PHYHIPL: variants seen among roughly 807,000 people sequenced by gnomAD.
PHYHIPL encodes the protein phytanoyl-CoA 2-hydroxylase interacting protein like, also known as phytanoyl-CoA hydroxylase-interacting protein-like.
PHYHIPL carries 9 observed loss-of-function variants against 33.4 expected under a neutral mutation model. The ratio of observed to expected loss-of-function variants is 0.27; its 90% CI spans 0.16 to 0.47. The LOEUF (loss-of-function observed/expected upper bound fraction) is 0.47. PHYHIPL is among the 20% of genes least tolerant of loss of function. PHYHIPL has a pLI of 0.99. For missense variants in PHYHIPL, 365 were observed against 460.7 expected (o/e 0.79, Z 1.90); for synonymous variants, 153 against 154.1 (o/e 0.99, Z 0.05).
chr10:59,245,877 A>G lies in PHYHIPL; in HGVS notation c.*286A>G, dbSNP rs1166238900. 4 of 353,680 alleles carry G rather than the reference A, an allele frequency of 1.1e-5. No individual in the cohort carries two copies. Among genetic ancestry groups the G allele is most frequent in the Non-Finnish European group, 2.1e-5 (4 of 193,710 alleles). The allele number at this position is 353,680 out of a possible 1,614,324, so 21.9% of individuals were successfully genotyped here. ...TTTTTATGTTTCCTTTATGCCAAAC[A>G]TAACAAAACAGTTATATAGACTGCT... On this transcript the variant is annotated 3_prime_UTR_variant, in exon 5 of 5. Coordinates refer to ENST00000373880, the MANE Select transcript of PHYHIPL (RefSeq NM_032439.4).
intron 4 of PHYHIPL, among the ~76,000 whole-genome samples, chr10:59,241,576 A>G (rs887114158): frequency 1.3e-5 from 2 of 152,164 alleles, no homozygotes; most frequent in African/African-American, 4.8e-5. Flanking sequence ...GTCAAATTGT[A>G]TATCCTCAAA....
chr10:59,193,834 C>T (rs1838841203), intron 1 of PHYHIPL, among the ~76,000 whole-genome samples: 1 of 151,856 alleles, frequency 6.6e-6, no homozygotes, highest in Non-Finnish European at 1.5e-5. Flanking sequence ...ACTTTTTTGG[C>T]TGTTATTTTT....
intron 1 of PHYHIPL, among the ~76,000 whole-genome samples, chr10:59,214,086 GA>G (rs1364668456): frequency 5.9e-5 from 9 of 151,824 alleles, no homozygotes; most frequent in Admixed American, 3.3e-4. Context: ...GCCATCTAGA[GA>G]AAAAAAATTT....
chr10:59,247,294 A>C lies in PHYHIPL; in HGVS notation c.*1703A>C, dbSNP rs1413901336. 1 of 247,680 alleles carries C rather than the reference A, an allele frequency of 4.0e-6. No homozygotes were observed. Among genetic ancestry groups the C allele is most frequent in the Non-Finnish European group, 7.6e-6 (1 of 131,504 alleles). The allele number at this position is 247,680 out of a possible 1,614,324, so 15.3% of individuals were successfully genotyped here. ...GGATACTAAATAAACTTTCCCTAAC[A>C]AGTGTCCTAGCTATGTTATTTAGAT... On this transcript the variant is annotated 3_prime_UTR_variant, in exon 5 of 5. Coordinates refer to ENST00000373880, the MANE Select transcript of PHYHIPL (RefSeq NM_032439.4).
intron 1 of PHYHIPL, among the ~76,000 whole-genome samples, chr10:59,227,975 G>GAGATATAT (rs10530291): frequency 6.9e-6 from 1 of 145,490 alleles, no homozygotes; most frequent in Non-Finnish European, 1.5e-5. Context: ...TGCCTATTGA[G>GAGATATAT]ATATATATAT....
Position 59,247,137 on chromosome 10 carries a change from C to T in PHYHIPL, c.*1546C>T, listed in dbSNP as rs1240399606. On this transcript the variant is annotated 3_prime_UTR_variant, in exon 5 of 5. Transcript: ENST00000373880. Reference sequence around the variant, plus strand: ...GTAAATGTTTTATCACTCAAAAATCCATTAGAAGTTTCAAATAAATTGCTT... The same window carrying T: ...GTAAATGTTTTATCACTCAAAAATCTATTAGAAGTTTCAAATAAATTGCTT... 1 of 157,190 alleles carries T rather than the reference C, an allele frequency of 6.4e-6. No individual in the cohort carries two copies. Among genetic ancestry groups the T allele is most frequent in the Non-Finnish European group, 1.4e-5 (1 of 71,580 alleles). 9.7% of individuals were successfully genotyped at this position (157,190 alleles called of 1,614,324 possible).
chr10:59,195,297 TAA>T (rs757674600), intron 1 of PHYHIPL, among the ~76,000 whole-genome samples: 1 of 152,212 alleles, frequency 6.6e-6, no homozygotes, highest in Non-Finnish European at 1.5e-5. Context: ...AACAAAAGAC[TAA>T]CAAGAGAAAA....
At chr10:59,224,408 T>C (rs1839860778) in intron 1 of PHYHIPL, among the ~76,000 whole-genome samples, 1 of 151,784 alleles carries the variant, frequency 6.6e-6, no homozygotes, top group Admixed American at 6.6e-5. Flanking sequence ...TGAGTCATGA[T>C]TGTGCCTCTG....
At chr10:59,178,996 C>T (rs1480806354) in intron 1 of PHYHIPL, among the ~76,000 whole-genome samples, 1 of 152,020 alleles carries the variant, frequency 6.6e-6, no homozygotes, top group Non-Finnish European at 1.5e-5. Flanking sequence ...TATACACCAA[C>T]AAATACAAAG....
At chr10:59,189,067 T>C (rs1838705819) in intron 1 of PHYHIPL, among the ~76,000 whole-genome samples, 1 of 152,154 alleles carries the variant, frequency 6.6e-6, no homozygotes, top group Admixed American at 6.6e-5. Context: ...ATTATATTGA[T>C]GCATATTACA....
intron 3 of PHYHIPL, 57 bp from the exon 4 acceptor site, chr10:59,238,531 A>G (rs1840295018): frequency 1.1e-6 from 1 of 937,930 alleles, no homozygotes; most frequent in Non-Finnish European, 1.7e-6. Context: ...TATTAAGTAT[A>G]TGGTTGGTAC....
At chr10:59,194,850 G>A (rs77697459) in intron 1 of PHYHIPL, among the ~76,000 whole-genome samples, 3,249 of 152,136 alleles carry the variant, frequency 0.021, 134 homozygotes, top group African/African-American at 0.074. Context: ...TAGCTAAATC[G>A]GATAATTTAT....
chr10:59,236,170 G>C (rs1189768018), intron 2 of PHYHIPL, among the ~76,000 whole-genome samples: 1 of 151,828 alleles, frequency 6.6e-6, no homozygotes, highest in African/African-American at 2.4e-5. Context: ...TCTTGATAAA[G>C]TTGGGCCTTA....
intron 1 of PHYHIPL, among the ~76,000 whole-genome samples, chr10:59,202,368 A>G (rs867955820): frequency 3.9e-5 from 6 of 152,220 alleles, no homozygotes; most frequent in Non-Finnish European, 4.4e-5. Flanking sequence ...AAAAATATAA[A>G]AAGTTATTCC....
chr10:59,176,610 C>T (rs1838256664), upstream of PHYHIPL: 2 of 347,624 alleles, frequency 5.8e-6, no homozygotes, highest in Admixed American at 4.9e-5. Flanking sequence ...GCGCGCGCCT[C>T]CCATCCTCGC....
At chr10:59,226,608 C>T (rs1333920548) in intron 1 of PHYHIPL, among the ~76,000 whole-genome samples, 1 of 151,868 alleles carries the variant, frequency 6.6e-6, no homozygotes, top group African/African-American at 2.4e-5. Context: ...GCAGAGGTGT[C>T]CTATAGGGAA....
rs141229811 is a variant in PHYHIPL at position 59,245,586 on chromosome 10, C to T, written c.1126C>T (p.Arg376Cys). Reference protein sequence around the residue: ...SCKTCNISVGR With the variant: ...SCKTCNISVGC ...CAAAACCTGTAATATCAGTGTTGGA[C>T]GTTAATGCCCACTTTTCTTATTCTT... The change falls in exon 5 of 5, where the codon CGT becomes TGT. Residue 376 changes from arginine (R) to cysteine (C), a missense_variant. Physicochemically the swap from Arg to Cys is radical, Grantham distance 180 (BLOSUM62 -3). Coordinates refer to ENST00000373880, the MANE Select transcript of PHYHIPL (RefSeq NM_032439.4). 8.2e-6 allele frequency: 13 copies of T among 1,586,582 alleles called. No homozygotes were observed. Among genetic ancestry groups the T allele is most frequent in the African/African-American group, 6.8e-5 (5 of 73,950 alleles).
Position 59,244,984 on chromosome 10 carries a change from G to A in PHYHIPL, c.597-73G>A, listed in dbSNP as rs528798815. The A allele has an allele frequency of 2.0e-5, 29 of 1,481,326 alleles. No homozygotes were observed. The African/African-American group carries it at 3.4e-4, about 17-fold the overall frequency. The allele number at this position is 1,481,326 out of a possible 1,614,324, so 91.8% of individuals were successfully genotyped here. ...TTTAACAGTAGATGTTTGACTTTTA[G>A]GCCATTCAAATATATAAATCAGTGG... is the stretch of plus-strand genomic sequence containing the variant. On this transcript the variant is annotated intron_variant, in intron 4 of 4. Coordinates refer to ENST00000373880, the MANE Select transcript of PHYHIPL (RefSeq NM_032439.4).
rs568272277 is a variant in PHYHIPL at position 59,192,899 on chromosome 10, A to T, written c.106+15940A>T. Among the ~76,000 whole-genome samples, 762 of 152,270 alleles carry T rather than the reference A, an allele frequency of 5.0e-3. 6 individuals carry two copies. The highest frequency in any genetic ancestry group is 0.018 in the African/African-American group (731 of 41,562). On this transcript the variant is annotated intron_variant, in intron 1 of 4. Transcript: ENST00000373880. ...TTACAGTTCTTTCTGGACCAGTTAG[A>T]TTTCAATATCTGTGGAATATCTAGA...
Sources: gnomAD v4.1 joint callset for allele counts (sites outside exome capture counted in the v4.1 genomes callset) on GRCh38, gnomAD v4.1.1 for gene constraint, MANE v1.5 for transcripts, NCBI Gene and HGNC (gene_info 2026-07-23, HGNC 2026-07-21) for gene names.